STOX2: variants seen among roughly 807,000 people sequenced by gnomAD.
STOX2 encodes the protein storkhead-box protein 2.
In STOX2, 28 loss-of-function variants were observed where a neutral mutation model predicts 60.9. That is an observed-to-expected ratio of 0.46 (90% CI 0.34 to 0.63). The LOEUF is 0.63. STOX2 is among the 30% of genes least tolerant of loss of function. The probability of loss-of-function intolerance (pLI) is 0.01; values close to 1 mark genes in which losing one functional copy is unlikely to be tolerated. For synonymous variants in STOX2, 472 were observed against 463.9 expected, an observed-to-expected ratio of 1.02 and a Z score of -0.22; for missense variants, 1,024 against 1,187.7, an observed-to-expected ratio of 0.86 and a Z score of 2.03.
At chr4:183,862,765 G>A (rs1267410614) in intron 1 of STOX2, among the ~76,000 whole-genome samples, 2 of 152,234 alleles carry the variant, frequency 1.3e-5, no homozygotes, top group African/African-American at 4.8e-5. Context: ...AAAAACCAAG[G>A]AAACTCAGAA....
At chr4:183,804,007 A>C (rs901297247) in intron 1 of STOX2, among the ~76,000 whole-genome samples, 2 of 152,212 alleles carry the variant, frequency 1.3e-5, no homozygotes, top group African/African-American at 4.8e-5. Flanking sequence ...AAAATTTCTA[A>C]TATTTTTAAA....
chr4:183,823,625 G>T (rs1739354795), intron 1 of STOX2, among the ~76,000 whole-genome samples: 1 of 152,266 alleles, frequency 6.6e-6, no homozygotes, highest in South Asian at 2.1e-4. Context: ...CAGATGTCTG[G>T]CCCACAAGAA....
chr4:183,798,448 G>A (rs1738682814), intron 1 of STOX2, among the ~76,000 whole-genome samples: 2 of 151,916 alleles, frequency 1.3e-5, no homozygotes. Context: ...GCGGAGGTGG[G>A]CGGGGAGGAT....
At chr4:183,834,213 G>A (rs949080360) in intron 1 of STOX2, among the ~76,000 whole-genome samples, 6 of 152,012 alleles carry the variant, frequency 3.9e-5, no homozygotes, top group African/African-American at 1.5e-4. Context: ...GTCACAGCCT[G>A]GCATGGTCCC....
chr4:183,986,636 A>G (rs1732853154), intron 1 of STOX2, among the ~76,000 whole-genome samples: 1 of 152,256 alleles, frequency 6.6e-6, no homozygotes, highest in Admixed American at 6.5e-5. Flanking sequence ...GGGCACAGGG[A>G]CCTGGTTAGT....
At chr4:183,960,817 A>G (rs947251898) in intron 1 of STOX2, among the ~76,000 whole-genome samples, 1 of 152,214 alleles carries the variant, frequency 6.6e-6, no homozygotes, top group African/African-American at 2.4e-5. Context: ...ATAGTCTTTC[A>G]TTAATTGACC....
intron 1 of STOX2, among the ~76,000 whole-genome samples, chr4:183,867,415 C>T (rs539780425): frequency 4.8e-4 from 73 of 152,242 alleles, no homozygotes; most frequent in Middle Eastern, 3.4e-3. Flanking sequence ...AGGCCAAGAT[C>T]GGGACACAGC....
chr4:183,870,081 C>T (rs552113616), intron 1 of STOX2, among the ~76,000 whole-genome samples: 1 of 152,276 alleles, frequency 6.6e-6, no homozygotes, highest in African/African-American at 2.4e-5. Flanking sequence ...GTAGTGAATA[C>T]ATTTCAGTAC....
At chr4:183,951,444 CT>C (rs1163579369) in intron 1 of STOX2, among the ~76,000 whole-genome samples, 15,331 of 66,872 alleles carry the variant, frequency 0.23, 664 homozygotes, top group Non-Finnish European at 0.26. Context: ...CTCTCTCTCT[CT>C]TTTTTTTTTT....
intron 1 of STOX2, among the ~76,000 whole-genome samples, chr4:183,875,415 G>A (rs1740807316): frequency 6.6e-6 from 1 of 152,186 alleles, no homozygotes; most frequent in African/African-American, 2.4e-5. Flanking sequence ...TTCCGCAGAG[G>A]CCAGTGGCTT....
At chr4:183,889,779 T>C (rs559479649) in intron 1 of STOX2, among the ~76,000 whole-genome samples, 1 of 152,240 alleles carries the variant, frequency 6.6e-6, no homozygotes, top group East Asian at 1.9e-4. Flanking sequence ...TACACCTGCC[T>C]CCTTTCCATA....
chr4:183,971,090 T>C (rs568785439), intron 1 of STOX2, among the ~76,000 whole-genome samples: 28 of 152,340 alleles, frequency 1.8e-4, no homozygotes, highest in African/African-American at 6.7e-4. Context: ...GAGGGGTTTT[T>C]TTGGTGGAAC....
Position 184,017,070 on chromosome 4 carries a change from A to G in STOX2, c.2586-19A>G. ...TTATGTTCCAAACAAAACAAAACAA[A>G]CCCTTTTTGCTCTTTTAGTACTCGG... is the stretch of plus-strand genomic sequence containing the variant. On this transcript the variant is annotated intron_variant, in intron 3 of 3. Transcript: ENST00000308497. 1.3e-6 allele frequency: 2 copies of G among 1,573,598 alleles called. No homozygotes were observed. The highest frequency in any genetic ancestry group is 1.7e-6 in the Non-Finnish European group (2 of 1,161,228).
At chr4:183,863,137 C>T (rs1740488956) in intron 1 of STOX2, among the ~76,000 whole-genome samples, 1 of 152,190 alleles carries the variant, frequency 6.6e-6, no homozygotes, top group Non-Finnish European at 1.5e-5. Flanking sequence ...GTACAGGACT[C>T]ATGAAAGAAG....
In STOX2 at chr4:183,825,453, T is replaced by C. The variant is rs1419439155; in HGVS notation, c.364+27398T>C. On this transcript the variant is annotated intron_variant, in intron 1 of 2. Transcript: ENST00000513034. The surrounding 1 kb of genome is among the most constrained non-coding windows in gnomAD (Gnocchi z 4.1). ...AGCTCGTGTCATCTCCTAGCATCCC[T>C]GGACCGCAAAACAGGCTTGCACTGG... Among the ~76,000 whole-genome samples, 1 of 152,186 alleles carries C rather than the reference T, an allele frequency of 6.6e-6. No individual in the cohort carries two copies. The highest frequency in any genetic ancestry group is 1.5e-5 in the Non-Finnish European group (1 of 68,034).
At position 184,010,274 on chromosome 4, in the gene STOX2, C is replaced by T; in HGVS notation, c.1436C>T (p.Ser479Phe). 1 of 1,582,318 alleles carries T rather than the reference C, an allele frequency of 6.3e-7. No homozygotes were observed. Among genetic ancestry groups the T allele is most frequent in the East Asian group, 2.3e-5 (1 of 42,934 alleles). Residue 479 changes from serine (S) to phenylalanine (F), a missense_variant, in exon 3 of 4, where the codon TCC (serine) becomes TTC (phenylalanine). This residue lies in a region of STOX2 where 922 missense variants were observed against 1,058.3 expected (regional missense o/e 0.87). Transcript: ENST00000308497. The surrounding 1 kb of genome is among the most constrained non-coding windows in gnomAD (Gnocchi z 4.5). ...RSHSHTQDRR[S>F]RNERSNKAKE... Reference sequence around the variant, plus strand: ...CACAGCCATACACAGGACCGGAGGTCCAGGAATGAGAGATCCAACAAAGCC... The same window carrying T: ...CACAGCCATACACAGGACCGGAGGTTCAGGAATGAGAGATCCAACAAAGCC...
chr4:183,801,206 A>G (rs951009678), intron 1 of STOX2, among the ~76,000 whole-genome samples: 5 of 152,202 alleles, frequency 3.3e-5, no homozygotes, highest in Non-Finnish European at 5.9e-5. Flanking sequence ...GCATCTTCCA[A>G]TTCACTACTT....
rs34402224 is a variant in STOX2 at position 184,009,136 on chromosome 4, G to GTTT, written c.320-6_320-4dup. The GTTT allele has an allele frequency of 0.013, 8,997 of 712,282 alleles. 29 individuals are homozygous for GTTT. The highest frequency in any genetic ancestry group is 0.023 in the South Asian group (1,069 of 45,576). The allele number at this position is 712,282 out of a possible 1,614,324, so 44.1% of individuals were successfully genotyped here. A position where few individuals can be genotyped will look rare whatever the true frequency, so the allele number is the denominator to read the frequency against. On this transcript the variant is annotated intron_variant, in intron 2 of 3. Coordinates refer to ENST00000308497, the MANE Select transcript of STOX2 (RefSeq NM_020225.3). This position sits in a 1 kb window ranked among gnomAD's most constrained non-coding sequence, Gnocchi z 4.0. ...TGTTCTGTCTTCATTCTCACAAGTG[G>GTTT]TTTTTTTTTTTTTTTTTTCAGGTGT...
At chr4:183,860,389 T>C (rs964614036) in intron 1 of STOX2, among the ~76,000 whole-genome samples, 2 of 148,126 alleles carry the variant, frequency 1.4e-5, no homozygotes, top group Admixed American at 1.4e-4. Context: ...CTTCCCACTA[T>C]TCCATGCTGC....
Sources: gnomAD v4.1 joint callset for allele counts (sites outside exome capture counted in the v4.1 genomes callset) on GRCh38, gnomAD v4.1.1 for gene constraint, gnomAD v4.1.1 regional missense constraint, Gnocchi (gnomAD v3.1) non-coding constraint, MANE v1.5 for transcripts, NCBI Gene and HGNC (gene_info 2026-07-23, HGNC 2026-07-21) for gene names.